Variants in PLS1 observed in about 807,000 individuals in gnomAD.
The protein encoded by PLS1 is plastin-1.
In PLS1, 32 loss-of-function variants were observed where a neutral mutation model predicts 73.7. That is an observed-to-expected ratio of 0.43 (90% CI 0.33 to 0.58). PLS1 has a LOEUF of 0.58. Among genes scored for constraint, PLS1 ranks in the 20% least tolerant of loss-of-function variants. The pLI is 0.04. For missense variants in PLS1, 633 were observed against 740.5 expected, an observed-to-expected ratio of 0.85 and a Z score of 1.68; for synonymous variants, 217 against 261.3, an observed-to-expected ratio of 0.83 and a Z score of 1.63.
At chr3:142,598,609 G>C (rs918862475) in intron 1 of PLS1, among the ~76,000 whole-genome samples, 1 of 152,214 alleles carries the variant, frequency 6.6e-6, no homozygotes, top group African/African-American at 2.4e-5. Flanking sequence ...AGCATGTGGT[G>C]AAAGACTAAA....
intron 12 of PLS1, among the ~76,000 whole-genome samples, chr3:142,699,682 C>T (rs887505602): frequency 6.6e-6 from 1 of 151,998 alleles, no homozygotes; most frequent in Non-Finnish European, 1.5e-5. Flanking sequence ...CTAATTTGTT[C>T]AAAATACATA....
In PLS1 at chr3:142,651,608, C is replaced by T. The variant is rs1323761555; in HGVS notation, c.-36-12594C>T. Among the ~76,000 whole-genome samples the T allele has an allele frequency of 2.6e-5, 4 of 152,112 alleles. No homozygotes were observed. The East Asian group carries it at 5.8e-4, about 22-fold the overall frequency. The stretch of plus-strand genomic sequence containing the variant: ...TTTTGAGTAGCTGGGACTCCAGGCA[C>T]GTGCCACTGTGCCCAGCTGATGGGA... On this transcript the variant is annotated intron_variant, in intron 1 of 15. Transcript: ENST00000457734.
chr3:142,685,506 T>A (rs1303284935), intron 8 of PLS1, among the ~76,000 whole-genome samples: 3 of 152,240 alleles, frequency 2.0e-5, no homozygotes, highest in African/African-American at 7.2e-5. Context: ...TACATTCAGC[T>A]GTCAGTTGGG....
At chr3:142,637,026 T>C (rs1177238506) in intron 1 of PLS1, among the ~76,000 whole-genome samples, 5 of 152,166 alleles carry the variant, frequency 3.3e-5, no homozygotes, top group Admixed American at 6.5e-5. Flanking sequence ...AAGTCAAATA[T>C]ACATTTACCA....
chr3:142,689,172 G>A (rs1378088147), intron 9 of PLS1, among the ~76,000 whole-genome samples: 2 of 152,050 alleles, frequency 1.3e-5, no homozygotes, highest in African/African-American at 4.8e-5. Context: ...AGTGGCTCAC[G>A]GCTATAATCC....
chr3:142,692,847 A>G (rs1043880641), intron 10 of PLS1, among the ~76,000 whole-genome samples: 17 of 152,172 alleles, frequency 1.1e-4, no homozygotes, highest in South Asian at 6.2e-4. Flanking sequence ...ACATATATAT[A>G]TATATCTTTA....
intron 1 of PLS1, among the ~76,000 whole-genome samples, chr3:142,613,597 A>G (rs1181438324): frequency 6.6e-6 from 1 of 152,208 alleles, no homozygotes; most frequent in African/African-American, 2.4e-5. Context: ...ATTTACCTTG[A>G]TGCTGACTCA....
rs761786234 is a variant in PLS1 at position 142,704,532 on chromosome 3, G to T, written c.1575G>T (p.Trp525Cys). Residue 525 changes from tryptophan (W) to cysteine (C), a missense_variant, in exon 14 of 16, where the codon TGG (tryptophan) becomes TGT (cysteine). By Grantham distance (215) the Trp-to-Cys change is radical (BLOSUM62 -2). Transcript: ENST00000457734. ...TAAATGATGAAATTATAATTAAATG[G>T]GTCAATCAGACTCTTAAAAGTGCAA... is the stretch of plus-strand genomic sequence containing the variant. ...EKVNDEIIIK[W>C]VNQTLKSANK... 1 of 1,596,804 alleles carries T rather than the reference G, an allele frequency of 6.3e-7. No homozygotes were observed. The highest frequency in any genetic ancestry group is 8.6e-7 in the Non-Finnish European group (1 of 1,166,764).
chr3:142,692,466 A>G (rs2107918395), intron 10 of PLS1, among the ~76,000 whole-genome samples: 1 of 152,278 alleles, frequency 6.6e-6, no homozygotes, highest in East Asian at 1.9e-4. Flanking sequence ...ATGCTTTACC[A>G]TGGCTGTTGC....
chr3:142,651,323 A>C (rs770796546), intron 1 of PLS1, among the ~76,000 whole-genome samples: 2 of 152,126 alleles, frequency 1.3e-5, no homozygotes, highest in Admixed American at 1.3e-4. Flanking sequence ...TTAGCTGGGC[A>C]TGGTGATGTG....
intron 10 of PLS1, among the ~76,000 whole-genome samples, chr3:142,691,756 T>A (rs1373764446): frequency 6.6e-6 from 1 of 152,192 alleles, no homozygotes. Context: ...AATATATCCT[T>A]ATGAAATTTG....
intron 1 of PLS1, among the ~76,000 whole-genome samples, chr3:142,652,225 G>A (rs1040218364): frequency 2.0e-5 from 3 of 152,134 alleles, no homozygotes; most frequent in Non-Finnish European, 4.4e-5. Context: ...TCAGCTTACA[G>A]GTTATCTATA....
chr3:142,687,418 C>T (rs1031467266), intron 9 of PLS1, among the ~76,000 whole-genome samples: 1 of 151,998 alleles, frequency 6.6e-6, no homozygotes, highest in Non-Finnish European at 1.5e-5. Context: ...GTGCGGCGTC[C>T]GTAACATTTG....
intron 14 of PLS1, among the ~76,000 whole-genome samples, chr3:142,705,003 A>G (rs2038429598): frequency 6.6e-6 from 1 of 151,960 alleles, no homozygotes; most frequent in South Asian, 2.1e-4. Context: ...GTTTAGAAAT[A>G]TATTAATGTT....
intron 1 of PLS1, among the ~76,000 whole-genome samples, chr3:142,651,187 C>T (rs984095485): frequency 2.0e-5 from 3 of 151,950 alleles, no homozygotes; most frequent in African/African-American, 4.8e-5. Context: ...GGGCCGGGCA[C>T]AGTGGCTAAC....
At chr3:142,599,833 C>T (rs2035883704) in intron 1 of PLS1, among the ~76,000 whole-genome samples, 1 of 152,168 alleles carries the variant, frequency 6.6e-6, no homozygotes, top group African/African-American at 2.4e-5. Flanking sequence ...CTGCTCACTG[C>T]AGCCTTGACC....
chr3:142,695,188 A>AT (rs1271123795), intron 11 of PLS1, among the ~76,000 whole-genome samples: 13 of 151,210 alleles, frequency 8.6e-5, no homozygotes, highest in Middle Eastern at 3.4e-3. Flanking sequence ...AGCTAGTTGT[A>AT]TTTTTTTTTA....
chr3:142,683,926 A>G (rs1051450306), intron 6 of PLS1, 80 bp from the exon 7 acceptor site: 4 of 1,006,192 alleles, frequency 4.0e-6, no homozygotes, highest in South Asian at 3.9e-5. Flanking sequence ...TTGGCAGTCC[A>G]TTGTTTCTTA....
intron 1 of PLS1, among the ~76,000 whole-genome samples, chr3:142,639,981 C>T (rs143309690): frequency 5.3e-5 from 8 of 152,136 alleles, no homozygotes; most frequent in South Asian, 2.1e-4. Flanking sequence ...AACGAAGCCT[C>T]GAAAAACCAA....
Sources: allele counts gnomAD v4.1 joint callset (sites outside exome capture counted in the v4.1 genomes callset), GRCh38; gene constraint gnomAD v4.1.1; transcripts MANE v1.5; gene names NCBI Gene and HGNC (gene_info 2026-07-23, HGNC 2026-07-21).